LTF: variants seen among roughly 807,000 people sequenced by gnomAD.
LTF encodes the protein lactotransferrin.
LTF carries 91 observed loss-of-function variants against 87.2 expected under a neutral mutation model. The ratio of observed to expected loss-of-function variants is 1.04; its 90% CI spans 0.88 to 1.24. The LOEUF (loss-of-function observed/expected upper bound fraction) is 1.24, where lower values mean the gene tolerates loss of function less well. Among genes scored for constraint, LTF ranks in the 50% most tolerant of loss-of-function variants. The pLI, the probability that LTF is intolerant of heterozygous loss-of-function variation, is 0.00. For synonymous variants in LTF, 378 were observed against 356.1 expected, an observed-to-expected ratio of 1.06 and a Z score of -0.69; for missense variants, 901 against 904.3, an observed-to-expected ratio of 1.00 and a Z score of 0.05.
rs190194875 is a variant in LTF at position 46,442,151 on chromosome 3, C to T, written c.1656-668G>A. The stretch of plus-strand genomic sequence containing the variant: ...TAAGGGAAATATAATATGAGAATAA[C>T]GCTTACACAGTCATAAGTACTGAAT... On this transcript the variant is annotated intron_variant, in intron 13 of 16. Transcript: ENST00000231751. 1.1e-3 allele frequency among the ~76,000 whole-genome samples: 160 copies of T among 152,016 alleles called. 1 individual carries two copies. Among genetic ancestry groups the T allele is most frequent in the African/African-American group, 3.7e-3 (154 of 41,458 alleles).
chr3:46,463,550 T>G (rs1703138907), intron 1 of LTF: 1 of 985,478 alleles, frequency 1.0e-6, no homozygotes, highest in Non-Finnish European at 1.2e-6. Context: ...CACTTTGGGG[T>G]ACAAGCCACC....
At chr3:46,459,590 A>G (rs1279302287) in intron 2 of LTF, 66 bp downstream of exon 2, 1 of 1,349,142 alleles carries the variant, frequency 7.4e-7, no homozygotes, top group Non-Finnish European at 9.6e-7. Context: ...CTCGTGTTCT[A>G]TCTTTTTCCA....
chr3:46,477,539 G>A (rs748623376), intron 1 of LTF, among the ~76,000 whole-genome samples: 3 of 152,210 alleles, frequency 2.0e-5, no homozygotes, highest in Non-Finnish European at 4.4e-5. Flanking sequence ...ATCTAGCCAC[G>A]TCATTCAGCC....
chr3:46,446,470 C>A lies in LTF; in HGVS notation c.1327G>T (p.Asp443Tyr), dbSNP rs1021361280. ...ACAGGTCTATCCACACAGTTAGGAT[C>A]AGGGTCACTGCTTTGTTGGGATTCT... ...NYKSQQSSDP[D>Y]PNCVDRPVEG... The change falls in exon 11 of 17, where the codon GAT (aspartate) becomes TAT (tyrosine). Residue 443 changes from aspartate (D) to tyrosine (Y), a missense_variant. Coordinates refer to ENST00000231751, the MANE Select transcript of LTF (RefSeq NM_002343.6). 6.2e-7 allele frequency: 1 copy of A among 1,613,830 alleles called. No homozygotes were observed. Among genetic ancestry groups the A allele is most frequent in the African/African-American group, 1.3e-5 (1 of 74,898 alleles).
Position 46,436,135 on chromosome 3 carries a change from A to C in LTF, c.*60T>G. 2.7e-4 allele frequency: 411 copies of C among 1,543,566 alleles called. No homozygotes were observed. Among genetic ancestry groups the C allele is most frequent in the Non-Finnish European group, 3.4e-4 (382 of 1,116,074 alleles). ...CAAGGCCCCAACACACCTGGGGAGA[A>C]GAGCTGGGGGCAGTGAATGGCTGAG... On this transcript the variant is annotated 3_prime_UTR_variant, in exon 17 of 17. Transcript: ENST00000231751.
chr3:46,447,405 A>G lies in LTF; in HGVS notation c.1213-7T>C. ...TGGCATCAGCTTCTCCTTTCTGCAA[A>G]GACAGAGCAGATCTCCAGCACCACA... On this transcript the variant is annotated splice_polypyrimidine_tract_variant and splice_region_variant and intron_variant, in intron 9 of 16. Coordinates refer to ENST00000231751, the MANE Select transcript of LTF (RefSeq NM_002343.6). The G allele has an allele frequency of 3.7e-6, 6 of 1,600,218 alleles. No homozygotes were observed. Among genetic ancestry groups the G allele is most frequent in the Non-Finnish European group, 5.1e-6 (6 of 1,167,626 alleles).
intron 3 of LTF, 105 bp downstream of exon 3, chr3:46,456,185 A>G (rs3796377): frequency 0.096 from 101,926 of 1,057,140 alleles, 5,888 homozygotes; most frequent in Admixed American, 0.22. Flanking sequence ...TACATGTGTG[A>G]TGTGACCCAG....
At chr3:46,460,212 G>T (rs1185543695) in intron 1 of LTF, among the ~76,000 whole-genome samples, 1 of 152,190 alleles carries the variant, frequency 6.6e-6, no homozygotes, top group Non-Finnish European at 1.5e-5. Flanking sequence ...TTACTGATGT[G>T]GAAATTGGCT....
chr3:46,470,330 T>C (rs928612923), intron 2 of LTF: 1 of 152,392 alleles, frequency 6.6e-6, no homozygotes, highest in African/African-American at 2.4e-5. Flanking sequence ...AATGAGGCCC[T>C]GGCCCAGGGA....
intron 8 of LTF, among the ~76,000 whole-genome samples, chr3:46,449,417 C>T (rs1036151027): frequency 2.5e-4 from 38 of 152,140 alleles, no homozygotes; most frequent in Admixed American, 9.2e-4. Context: ...CCAATAACTA[C>T]GGTGCAGCCT....
intron 1 of LTF, among the ~76,000 whole-genome samples, chr3:46,461,086 A>G (rs1703069717): frequency 6.6e-6 from 1 of 152,268 alleles, no homozygotes; most frequent in Non-Finnish European, 1.5e-5. Flanking sequence ...CAAAAATGCA[A>G]ATTGAAAATG....
chr3:46,466,378 C>T (rs1703214209), upstream of LTF, among the ~76,000 whole-genome samples: 3 of 152,186 alleles, frequency 2.0e-5, no homozygotes, highest in African/African-American at 7.2e-5. Context: ...TTCTGAAAAG[C>T]TGGTCTTGAC....
chr3:46,454,155 T>C (rs1702866891), intron 6 of LTF, 150 bp downstream of exon 6: 3 of 741,908 alleles, frequency 4.0e-6, no homozygotes, highest in East Asian at 4.9e-5. Flanking sequence ...TCATTTAAAA[T>C]ATGAAAGATC....
intron 11 of LTF, 59 bp from the exon 12 acceptor site, chr3:46,445,495 T>G: frequency 6.6e-7 from 1 of 1,507,876 alleles, no homozygotes; most frequent in Non-Finnish European, 9.1e-7. Flanking sequence ...GGCACATGGA[T>G]TCCAGTGGAG....
Position 46,448,990 on chromosome 3 carries a change from G to T in LTF, c.1085C>A (p.Ala362Glu). The change falls in exon 9 of 17, where the codon GCG becomes GAG. Residue 362 changes from alanine (A) to glutamate (E), a missense_variant. Ala to Glu is a moderately radical substitution (Grantham distance 107). Transcript: ENST00000231751. The stretch of plus-strand genomic sequence containing the variant: ...GCCCACCGCACACCACACGACCCGC[G>T]CACGCCGGGCAGCCACTTCCTCCTC... The part of the protein sequence containing the change: ...KSEEEVAARR[A>E]RVVWCAVGEQ... 1.9e-6 allele frequency: 3 copies of T among 1,610,276 alleles called. No individual in the cohort carries two copies. The highest frequency in any genetic ancestry group is 2.5e-6 in the Non-Finnish European group (3 of 1,178,616).
At chr3:46,464,218 A>G (rs1394218977) in intron 1 of LTF, among the ~76,000 whole-genome samples, 1 of 150,788 alleles carries the variant, frequency 6.6e-6, no homozygotes, top group Non-Finnish European at 1.5e-5. Context: ...CCTTCCTTCT[A>G]CTCCTTCCTT....
intron 14 of LTF, 87 bp downstream of exon 14, chr3:46,441,329 C>A (rs1702510187): frequency 3.8e-6 from 4 of 1,059,764 alleles, no homozygotes; most frequent in Middle Eastern, 2.1e-4. Flanking sequence ...TGTTATAAAA[C>A]CTTCCCAAAG....
chr3:46,460,159 T>A (rs1394223895), intron 1 of LTF, among the ~76,000 whole-genome samples: 1 of 152,182 alleles, frequency 6.6e-6, no homozygotes, highest in South Asian at 2.1e-4. Context: ...TTTGCCCACT[T>A]TGAACCTGGA....
chr3:46,450,342 A>G (rs1702772595), intron 7 of LTF, among the ~76,000 whole-genome samples, 153 bp downstream of exon 7: 1 of 152,162 alleles, frequency 6.6e-6, no homozygotes, highest in Non-Finnish European at 1.5e-5. Flanking sequence ...TCTGCTGTCC[A>G]CAGTACAGCC....
Sources: allele counts gnomAD v4.1 joint callset (sites outside exome capture counted in the v4.1 genomes callset), GRCh38; gene constraint gnomAD v4.1.1; transcripts MANE v1.5; gene names NCBI Gene and HGNC (gene_info 2026-07-23, HGNC 2026-07-21).